Variants in NHSL1 observed in about 807,000 individuals in gnomAD.
The protein encoded by NHSL1 is NHS like 1.
A neutral mutation model predicts 95.0 loss-of-function variants in NHSL1; 48 were observed. The ratio of observed to expected loss-of-function variants is 0.51; its 90% CI spans 0.40 to 0.64. The LOEUF (loss-of-function observed/expected upper bound fraction) is 0.64. NHSL1 is among the 30% of genes least tolerant of loss of function. The pLI is 0.00. For missense variants in NHSL1, 1,971 were observed against 2,077.7 expected, an observed-to-expected ratio of 0.95 and a Z score of 1.00; for synonymous variants, 783 against 833.9, an observed-to-expected ratio of 0.94 and a Z score of 1.05.
At chr6:138,688,973 A>G (rs891360355) in intron 1 of NHSL1, among the ~76,000 whole-genome samples, 1 of 152,180 alleles carries the variant, frequency 6.6e-6, no homozygotes, top group Non-Finnish European at 1.5e-5. Context: ...ACTTGTACTT[A>G]GTATTGTATT....
chr6:138,570,806 G>A (rs544939167), intron 1 of NHSL1, among the ~76,000 whole-genome samples: 1 of 152,352 alleles, frequency 6.6e-6, no homozygotes, highest in South Asian at 2.1e-4. Flanking sequence ...GGAAGAATGT[G>A]ATAAACATGG....
chr6:138,444,975 C>T (rs2128218562), intron 4 of NHSL1, among the ~76,000 whole-genome samples: 1 of 152,270 alleles, frequency 6.6e-6, no homozygotes, highest in Middle Eastern at 3.4e-3. Context: ...ACTCATACTG[C>T]TCTTTCTTTA....
chr6:138,674,648 C>T (rs1340741747), intron 1 of NHSL1, among the ~76,000 whole-genome samples: 2 of 152,164 alleles, frequency 1.3e-5, no homozygotes, highest in Admixed American at 6.5e-5. Flanking sequence ...AGAACATGAT[C>T]TTGTTCCTTT....
At chr6:138,626,893 CAAAAAAAAAAAAAA>C (rs71009593) in intron 1 of NHSL1, among the ~76,000 whole-genome samples, 2 of 7,772 alleles carry the variant, frequency 2.6e-4, no homozygotes, top group Admixed American at 2.3e-3. Flanking sequence ...GACTCCGTCT[CAAAAAAAAAAAAAA>C]AAAAAAAAAA....
chr6:138,617,093 G>A (rs1453379045), intron 1 of NHSL1, among the ~76,000 whole-genome samples: 1 of 152,136 alleles, frequency 6.6e-6, no homozygotes, highest in African/African-American at 2.4e-5. Flanking sequence ...CAAATCATGA[G>A]CAACTATAAT....
chr6:138,452,497 G>C (rs1329678996), intron 3 of NHSL1, among the ~76,000 whole-genome samples: 1 of 152,206 alleles, frequency 6.6e-6, no homozygotes, highest in Non-Finnish European at 1.5e-5. Context: ...ATTATAGCCA[G>C]AGCTAAACTT....
chr6:138,690,509 G>C (rs886342259), intron 1 of NHSL1, among the ~76,000 whole-genome samples: 4 of 152,128 alleles, frequency 2.6e-5, no homozygotes, highest in African/African-American at 9.7e-5. Context: ...GGGAGGTCGA[G>C]GCAGGTGGAT....
Position 138,650,645 on chromosome 6 carries a change from T to C in NHSL1, c.96+41831A>G, listed in dbSNP as rs895773412. 4 of 567,886 alleles carry C rather than the reference T, an allele frequency of 7.0e-6. No homozygotes were observed. The East Asian group carries it at 1.4e-4, about 20-fold the overall frequency. 35.2% of individuals were successfully genotyped at this position (567,886 alleles called of 1,614,324 possible). On this transcript the variant is annotated intron_variant, in intron 1 of 3. Coordinates refer to the NHSL1 transcript ENST00000491526. ...AGCTCAGCACGCCACTATCCTTGGC[T>C]TCCCATCCCACAAACTGGACCATCC...
intron 1 of NHSL1, among the ~76,000 whole-genome samples, chr6:138,552,336 C>T (rs559865198): frequency 3.1e-4 from 47 of 152,228 alleles, no homozygotes; most frequent in African/African-American, 8.2e-4. Context: ...AGGGGAATCG[C>T]TTGAACCCGG....
chr6:138,648,367 A>AAC (rs1554258305), intron 1 of NHSL1, among the ~76,000 whole-genome samples: 26 of 151,066 alleles, frequency 1.7e-4, no homozygotes, highest in South Asian at 4.2e-4. Flanking sequence ...AAAAAAAAAA[A>AAC]CAATGGATTG....
chr6:138,662,669 G>C (rs1035952371), intron 1 of NHSL1, among the ~76,000 whole-genome samples: 1 of 152,044 alleles, frequency 6.6e-6, no homozygotes, highest in African/African-American at 2.4e-5. Flanking sequence ...TCATATTTTG[G>C]ATGCTTGAGT....
intron 1 of NHSL1, among the ~76,000 whole-genome samples, chr6:138,545,399 A>G (rs919185654): frequency 4.6e-5 from 7 of 152,186 alleles, no homozygotes; most frequent in African/African-American, 1.7e-4. Context: ...ATTCAAACAC[A>G]GAAATATCCT....
intron 1 of NHSL1, among the ~76,000 whole-genome samples, chr6:138,631,182 G>A (rs1470691170): frequency 6.6e-6 from 1 of 152,182 alleles, no homozygotes; most frequent in Non-Finnish European, 1.5e-5. Context: ...ACTCTAGACA[G>A]AGGGGAATCA....
chr6:138,592,371 G>T (rs1309079151), intron 1 of NHSL1, among the ~76,000 whole-genome samples: 1 of 152,202 alleles, frequency 6.6e-6, no homozygotes, highest in African/African-American at 2.4e-5. Context: ...GGCTGAGGCG[G>T]GTGGATCACT....
intron 1 of NHSL1, among the ~76,000 whole-genome samples, chr6:138,585,946 G>C (rs969044444): frequency 2.0e-5 from 3 of 151,966 alleles, no homozygotes; most frequent in African/African-American, 7.3e-5. Context: ...AGCTACAAGG[G>C]AGCCAGAGAC....
intron 1 of NHSL1, among the ~76,000 whole-genome samples, chr6:138,687,279 T>TAA (rs111469319): frequency 1.1e-3 from 160 of 143,206 alleles, no homozygotes; most frequent in Middle Eastern, 6.8e-3. Flanking sequence ...CTTTTTAAAT[T>TAA]AAAAAAAAAA....
Position 138,433,265 on chromosome 6 carries a change from G to A in NHSL1, c.1080C>T (p.His360=). Residue 360 remains histidine (H), a synonymous_variant, in exon 6 of 8, where the codon CAC becomes CAT. Coordinates refer to ENST00000343505, the MANE Select transcript of NHSL1 (RefSeq NM_001144060.2). ...GGCCTAAGTTTTCATCTGCTTGTGGGTGACCTCTCTGGTAGAGGAAAGTGC... is the reference window on the plus strand; with the variant it reads ...GGCCTAAGTTTTCATCTGCTTGTGGATGACCTCTCTGGTAGAGGAAAGTGC... ...MNGTFLYQRG[H]PQADENLGHL... 1 of 1,551,558 alleles carries A rather than the reference G, an allele frequency of 6.4e-7. No homozygotes were observed. The highest frequency in any genetic ancestry group is 8.7e-7 in the Non-Finnish European group (1 of 1,146,970).
chr6:138,457,640 G>A (rs1777704622), intron 3 of NHSL1, among the ~76,000 whole-genome samples: 1 of 151,994 alleles, frequency 6.6e-6, no homozygotes, highest in South Asian at 2.1e-4. Context: ...CTTCCATATA[G>A]TCACTGCTCT....
chr6:138,469,993 C>T (rs1359045501), intron 3 of NHSL1, among the ~76,000 whole-genome samples: 2 of 151,908 alleles, frequency 1.3e-5, no homozygotes, highest in African/African-American at 4.8e-5. Context: ...GGGAAGAAGG[C>T]AGTTAGCTAT....
Sources: allele counts gnomAD v4.1 joint callset (sites outside exome capture counted in the v4.1 genomes callset), GRCh38; gene constraint gnomAD v4.1.1; transcripts MANE v1.5; gene names NCBI Gene and HGNC (gene_info 2026-07-23, HGNC 2026-07-21).